NAP1L1: variants seen among roughly 807,000 people sequenced by gnomAD.
The protein encoded by NAP1L1 is nucleosome assembly protein 1-like 1.
NAP1L1 carries 9 observed loss-of-function variants against 58.9 expected under a neutral mutation model. That is an observed-to-expected ratio of 0.15 (90% CI 0.09 to 0.27). The LOEUF is 0.27. Among genes scored for constraint, NAP1L1 ranks in the 10% least tolerant of loss-of-function variants. The pLI is 1.00. For missense variants in NAP1L1, 302 were observed against 458.8 expected, an observed-to-expected ratio of 0.66 and a Z score of 3.12; for synonymous variants, 130 against 138.3, an observed-to-expected ratio of 0.94 and a Z score of 0.42.
chr12:76,079,127 C>T (rs992903635), intron 1 of NAP1L1, among the ~76,000 whole-genome samples: 3 of 152,182 alleles, frequency 2.0e-5, no homozygotes, highest in African/African-American at 7.2e-5. Context: ...AAAAGACTGA[C>T]AGCTGTCTTC....
At chr12:76,050,004 A>C (rs1465794181) in intron 12 of NAP1L1, among the ~76,000 whole-genome samples, 2 of 152,200 alleles carry the variant, frequency 1.3e-5, no homozygotes, top group Non-Finnish European at 2.9e-5. Flanking sequence ...CATGTGGATA[A>C]AGTGGATGAT....
intron 3 of NAP1L1, 95 bp from the exon 4 acceptor site, chr12:76,067,568 G>A: frequency 2.0e-6 from 2 of 981,654 alleles, no homozygotes; most frequent in South Asian, 1.5e-5. Context: ...TTTCCTAACT[G>A]GCCCATAAAT....
chr12:76,074,277 T>A, intron 1 of NAP1L1, 38 bp from the exon 2 acceptor site: 1 of 1,532,354 alleles, frequency 6.5e-7, no homozygotes, highest in Non-Finnish European at 8.7e-7. Flanking sequence ...AAAAAGTATA[T>A]GATTTATTAA....
At position 76,055,070 on chromosome 12, in the gene NAP1L1, C is replaced by T. The variant is rs781068916; in HGVS notation, c.579G>A (p.Leu193=). The T allele has an allele frequency of 6.2e-7, 1 of 1,603,258 alleles. No homozygotes were observed. The highest frequency in any genetic ancestry group is 1.7e-5 in the Admixed American group (1 of 59,024). Residue 193 remains leucine, a synonymous_variant, in exon 8 of 15, where the codon CTG becomes CTA. Coordinates refer to ENST00000618691, the MANE Select transcript of NAP1L1 (RefSeq NM_004537.7). The stretch of plus-strand genomic sequence containing the variant: ...TCACTTTAATATCTTTCAAGTGCTT[C>T]AGAATAGGTTCATCGTGTTCCTTCA... ...DMVQEHDEPI[L]KHLKDIKVKF...
rs1948563285 is a variant in NAP1L1, at chr12:76,042,923, T to G, written c.*5506A>C. 6.6e-6 allele frequency: 1 copy of G among 152,210 alleles called. No homozygotes were observed. Among genetic ancestry groups the G allele is most frequent in the Admixed American group, 6.5e-5 (1 of 15,280 alleles). 9.4% of individuals were successfully genotyped at this position (152,210 alleles called of 1,614,324 possible). A position where few individuals can be genotyped will look rare whatever the true frequency, so the allele number is the denominator to read the frequency against. ...AATATACCGGAATTCTTTCAACTATTTTCAGAGTTGAAGGAAAGCTGTAAT... is the reference window on the plus strand; with the variant it reads ...AATATACCGGAATTCTTTCAACTATGTTCAGAGTTGAAGGAAAGCTGTAAT... On this transcript the variant is annotated 3_prime_UTR_variant, in exon 15 of 15. Coordinates refer to ENST00000618691, the MANE Select transcript of NAP1L1 (RefSeq NM_004537.7).
At chr12:76,055,228 C>A in intron 7 of NAP1L1, 138 bp from the exon 8 acceptor site, 1 of 526,400 alleles carries the variant, frequency 1.9e-6, no homozygotes, top group Non-Finnish European at 3.2e-6. Context: ...TTAAGACTTA[C>A]TCTCCAGGTT....
At position 76,060,236 on chromosome 12, in the gene NAP1L1, G is replaced by A; in HGVS notation, c.250C>T (p.Leu84=). 2 of 1,613,902 alleles carry A rather than the reference G, an allele frequency of 1.2e-6. No homozygotes were observed. Among genetic ancestry groups the A allele is most frequent in the South Asian group, 2.2e-5 (2 of 91,070 alleles). ...TCTATCTGTGCACATTTAACTTGCA[G>A]GTTTTTGAGAGCATTCACTCGTCTT... ...VKRRVNALKN[L]QVKCAQIEAK... Residue 84 remains leucine, a synonymous_variant, in exon 5 of 15, where the codon CTG becomes TTG. Coordinates refer to ENST00000618691, the MANE Select transcript of NAP1L1 (RefSeq NM_004537.7).
intron 4 of NAP1L1, among the ~76,000 whole-genome samples, chr12:76,060,784 C>T (rs1409691746): frequency 6.6e-6 from 1 of 152,140 alleles, no homozygotes; most frequent in Admixed American, 6.5e-5. Flanking sequence ...AAAGAGGAGA[C>T]ATGTATTTTT....
At chr12:76,060,634 A>G (rs1329026991) in intron 4 of NAP1L1, among the ~76,000 whole-genome samples, 1 of 152,220 alleles carries the variant, frequency 6.6e-6, no homozygotes, top group Non-Finnish European at 1.5e-5. Context: ...TATCTCACCC[A>G]TACAAGTTAT....
At chr12:76,063,398 AGAAG>A (rs1169559766) in intron 4 of NAP1L1, among the ~76,000 whole-genome samples, 1 of 152,248 alleles carries the variant, frequency 6.6e-6, no homozygotes, top group African/African-American at 2.4e-5. Flanking sequence ...GAAGCAGAAA[AGAAG>A]GAAGAAAGAC....
intron 1 of NAP1L1, among the ~76,000 whole-genome samples, chr12:76,079,224 T>C (rs1039925494): frequency 1.3e-5 from 2 of 152,180 alleles, no homozygotes; most frequent in South Asian, 4.1e-4. Flanking sequence ...AACCAAAACA[T>C]CTTTTAAGAA....
intron 4 of NAP1L1, among the ~76,000 whole-genome samples, chr12:76,061,731 A>G (rs1949425916): frequency 6.6e-6 from 1 of 152,232 alleles, no homozygotes; most frequent in East Asian, 1.9e-4. Flanking sequence ...AACTTTTGTA[A>G]ATCAAATAAT....
intron 1 of NAP1L1, chr12:76,083,961 G>T (rs947305668): frequency 2.1e-4 from 32 of 152,238 alleles, no homozygotes; most frequent in African/African-American, 7.7e-4. Context: ...GCCGCCGGGG[G>T]TTTCCCCTCC....
At position 76,050,653 on chromosome 12, in the gene NAP1L1, C is replaced by G; in HGVS notation, c.937G>C (p.Asp313His). The G allele has an allele frequency of 6.3e-7, 1 of 1,593,796 alleles. No individual in the cohort carries two copies. Among genetic ancestry groups the G allele is most frequent in the Non-Finnish European group, 8.5e-7 (1 of 1,174,820 alleles). ...PPEVPESGDL[D>H]DDAEAILAAD... is the part of the protein sequence containing the mutation. ...GCAAGGATAGCTTCAGCATCATCAT[C>G]CTATTTTTAAAGGAAAACAAAAGCA... The change falls in exon 12 of 15, where the codon GAT becomes CAT. Residue 313 changes from aspartate to histidine, a missense_variant and splice_region_variant. Asp to His is a moderately conservative substitution (Grantham distance 81). Coordinates refer to ENST00000618691, the MANE Select transcript of NAP1L1 (RefSeq NM_004537.7).
intron 1 of NAP1L1, among the ~76,000 whole-genome samples, chr12:76,081,388 T>C (rs184701167): frequency 2.0e-5 from 3 of 152,312 alleles, no homozygotes; most frequent in African/African-American, 7.2e-5. Context: ...TATTACATTA[T>C]TTATCCCTGT....
intron 1 of NAP1L1, among the ~76,000 whole-genome samples, chr12:76,077,109 T>C (rs561023749): frequency 1.3e-5 from 2 of 152,336 alleles, no homozygotes; most frequent in East Asian, 1.9e-4. Flanking sequence ...TTTTGTAACA[T>C]TTTAATGTGT....
intron 9 of NAP1L1, 139 bp downstream of exon 9, chr12:76,053,631 A>G (rs762641086): frequency 4.6e-5 from 50 of 1,076,918 alleles, no homozygotes; most frequent in Non-Finnish European, 6.2e-5. Context: ...GAAACTTGAT[A>G]AGCACTTTTC....
intron 1 of NAP1L1, among the ~76,000 whole-genome samples, chr12:76,079,817 G>A (rs1950331346): frequency 6.6e-6 from 1 of 151,786 alleles, no homozygotes; most frequent in African/African-American, 2.4e-5. Context: ...CTGAGTAGCT[G>A]GGACTACAGG....
At position 76,048,101 on chromosome 12, in the gene NAP1L1, C is replaced by CAA. The variant is rs57380071; in HGVS notation, c.*326_*327dup. ...CTTTGGTTCTTCAAGGAAAAAATTA[C>CAA]AAAAAAAAAAAAAAGGTATTTCCTT... On this transcript the variant is annotated 3_prime_UTR_variant, in exon 15 of 15. Transcript: ENST00000618691. 4.9e-3 allele frequency: 913 copies of CAA among 186,284 alleles called. 1 individual carries two copies. Among genetic ancestry groups the CAA allele is most frequent in the African/African-American group, 0.013 (394 of 29,660 alleles). The allele number at this position is 186,284 out of a possible 1,614,324, so 11.5% of individuals were successfully genotyped here.
Sources: allele counts gnomAD v4.1 joint callset (sites outside exome capture counted in the v4.1 genomes callset), GRCh38; gene constraint gnomAD v4.1.1; transcripts MANE v1.5; gene names NCBI Gene and HGNC (gene_info 2026-07-23, HGNC 2026-07-21).